HDAC8: variants seen among roughly 807,000 people sequenced by gnomAD.
HDAC8 encodes histone deacetylase-like 1.
HDAC8 carries 1 observed loss-of-function variant against 32.2 expected under a neutral mutation model. That is an observed-to-expected ratio of 0.03 (90% CI 0.01 to 0.15). The LOEUF (loss-of-function observed/expected upper bound fraction) is 0.15, where lower values mean the gene tolerates loss of function less well. Ranked by LOEUF, HDAC8 falls within the 10% of genes least tolerant of loss-of-function variation. The pLI is 1.00. For synonymous variants in HDAC8, 108 were observed against 113.9 expected (o/e 0.95, Z 0.33); for missense variants, 117 against 300.0 (o/e 0.39, Z 4.51).
At chrX:72,478,331 A>C (rs991402783) in intron 7 of HDAC8, among the ~76,000 whole-genome samples, 2 of 112,390 alleles carry the variant, frequency 1.8e-5, no homozygotes, top group Admixed American at 9.4e-5. Context: ...GCATTTAAAA[A>C]TATCCCATGA....
intron 9 of HDAC8, among the ~76,000 whole-genome samples, chrX:72,444,374 G>C (rs1555983575): frequency 9.0e-6 from 1 of 111,475 alleles, no homozygotes; most frequent in African/African-American, 3.3e-5. Flanking sequence ...ATGCAACACT[G>C]GTTCAATATA....
At chrX:72,368,422 T>A (rs1011196731) in intron 9 of HDAC8, among the ~76,000 whole-genome samples, 1 of 106,350 alleles carries the variant, frequency 9.4e-6, no homozygotes, top group Non-Finnish European at 1.9e-5. Flanking sequence ...AGTGGCGCGA[T>A]CTCGGCTCAC....
Position 72,453,366 on chromosome X carries a change from A to C in HDAC8, c.1005+8638T>G, listed in dbSNP as rs181689540. ...TATTTACCTGGGAGGGTGAGGTGGGAGGATCGCTTGAGCCCAGGAAGTTGA... is the reference window on the plus strand; with the variant it reads ...TATTTACCTGGGAGGGTGAGGTGGGCGGATCGCTTGAGCCCAGGAAGTTGA... On this transcript the variant is annotated intron_variant, in intron 9 of 10. Transcript: ENST00000373573. Among the ~76,000 whole-genome samples, 8 of 108,645 alleles carry C rather than the reference A, an allele frequency of 7.4e-5. No individual in the cohort carries two copies. The East Asian group carries it at 2.3e-3, about 31-fold the overall frequency. The allele number at this position is 108,645 out of a possible 115,157, so 94.3% of individuals were successfully genotyped here.
chrX:72,416,617 G>A (rs927818011), intron 9 of HDAC8, among the ~76,000 whole-genome samples: 11 of 104,478 alleles, frequency 1.1e-4, no homozygotes, highest in Non-Finnish European at 1.8e-4. Flanking sequence ...TATTTTATTA[G>A]GGTTGCAGTT....
chrX:72,567,471 G>A (rs1008122943), intron 4 of HDAC8: 1 of 322,460 alleles, frequency 3.1e-6, no homozygotes, highest in Non-Finnish European at 5.4e-6. Context: ...TATTCCATTG[G>A]TACCATAACT....
chrX:72,498,966 T>G (rs1181137020), intron 4 of HDAC8, among the ~76,000 whole-genome samples: 1 of 110,974 alleles, frequency 9.0e-6, no homozygotes, highest in African/African-American at 3.3e-5. Context: ...GAGTTCTCAC[T>G]CTATTAGTTA....
intron 6 of HDAC8, among the ~76,000 whole-genome samples, chrX:72,489,452 T>G (rs782698891): frequency 2.6e-4 from 29 of 111,350 alleles, no homozygotes; most frequent in Non-Finnish European, 5.1e-4. Flanking sequence ...TCACCTGAGG[T>G]GACCTGTGTT....
intron 9 of HDAC8, among the ~76,000 whole-genome samples, chrX:72,398,629 A>T (rs1340455197): frequency 3.6e-5 from 4 of 109,857 alleles, no homozygotes; most frequent in Non-Finnish European, 5.7e-5. Context: ...GTGAGCCACC[A>T]CGTCTAGCGG....
chrX:72,571,780 G>A (rs1404203632), intron 2 of HDAC8, among the ~76,000 whole-genome samples: 1 of 108,850 alleles, frequency 9.2e-6, no homozygotes, highest in Non-Finnish European at 1.9e-5. Flanking sequence ...TGTTGGGCAG[G>A]CTGGTCTCAA....
intron 2 of HDAC8, 119 bp from the exon 3 acceptor site, chrX:72,569,003 G>A: frequency 1.4e-6 from 1 of 719,418 alleles, no homozygotes; most frequent in Non-Finnish European, 2.0e-6. Context: ...GGTTCCAATA[G>A]GCTGGAGTAA....
intron 10 of HDAC8, among the ~76,000 whole-genome samples, chrX:72,348,899 T>C (rs2044100020): frequency 9.0e-6 from 1 of 111,706 alleles, no homozygotes; most frequent in African/African-American, 3.3e-5. Context: ...AATCTTAGGG[T>C]TGGAAGGAGC....
At chrX:72,374,748 T>C (rs1378719189) in intron 9 of HDAC8, among the ~76,000 whole-genome samples, 2 of 111,604 alleles carry the variant, frequency 1.8e-5, no homozygotes, top group Non-Finnish European at 3.8e-5. Flanking sequence ...AAATTTTTTT[T>C]CCCCATTCTG....
intron 7 of HDAC8, chrX:72,474,003 C>T: frequency 1.6e-6 from 1 of 618,249 alleles, no homozygotes; most frequent in Non-Finnish European, 1.9e-6. Context: ...ATAGCTCAGT[C>T]TCTCCCAACT....
At chrX:72,422,601 T>C (rs782774083) in intron 9 of HDAC8, among the ~76,000 whole-genome samples, 5 of 112,218 alleles carry the variant, frequency 4.5e-5, no homozygotes, top group African/African-American at 1.6e-4. Flanking sequence ...CCCGTATACA[T>C]GGATACTTTT....
At chrX:72,390,684 C>T (rs1555963459) in intron 9 of HDAC8, among the ~76,000 whole-genome samples, 1 of 111,407 alleles carries the variant, frequency 9.0e-6, no homozygotes, top group Non-Finnish European at 1.9e-5. Flanking sequence ...CACATAGCTG[C>T]CAAGATTTGG....
chrX:72,340,596 C>T (rs1174305478), intron 10 of HDAC8, among the ~76,000 whole-genome samples: 1 of 111,785 alleles, frequency 8.9e-6, no homozygotes, highest in Non-Finnish European at 1.9e-5. Flanking sequence ...CCCTATTCAC[C>T]TCAAGGCATA....
rs1220748049 is a variant in HDAC8 at position 72,501,165 on chromosome X, G to A, written c.438-5897C>T. The stretch of plus-strand genomic sequence containing the variant: ...AACATCCCATGCTCATGGATAGGAG[G>A]AATCAATATAATTAAAATGGCCATA... On this transcript the variant is annotated intron_variant, in intron 4 of 10. Coordinates refer to ENST00000373573, the MANE Select transcript of HDAC8 (RefSeq NM_018486.3). 5.4e-5 allele frequency among the ~76,000 whole-genome samples: 6 copies of A among 111,836 alleles called. No individual in the cohort carries two copies. The South Asian group carries it at 2.2e-3, about 42-fold the overall frequency.
intron 4 of HDAC8, among the ~76,000 whole-genome samples, chrX:72,501,322 A>G (rs1480321075): frequency 2.7e-5 from 3 of 112,148 alleles, no homozygotes; most frequent in African/African-American, 9.7e-5. Context: ...AGACAATCCT[A>G]AGCAAAAAGA....
chrX:72,449,130 A>C (rs1338214888), intron 9 of HDAC8, among the ~76,000 whole-genome samples: 1 of 112,261 alleles, frequency 8.9e-6, no homozygotes, highest in Non-Finnish European at 1.9e-5. Context: ...ATAGGTTTGT[A>C]GATGTTTATT....
Sources: gnomAD v4.1 joint callset for allele counts (sites outside exome capture counted in the v4.1 genomes callset) on GRCh38, gnomAD v4.1.1 for gene constraint, MANE v1.5 for transcripts, NCBI Gene and HGNC (gene_info 2026-07-23, HGNC 2026-07-21) for gene names.